Variants in MAPT observed in about 807,000 individuals in gnomAD.
MAPT encodes the protein microtubule-associated protein tau.
MAPT carries 34 observed loss-of-function variants against 67.9 expected under a neutral mutation model. That is an observed-to-expected ratio of 0.50 (90% CI 0.38 to 0.67). The LOEUF (loss-of-function observed/expected upper bound fraction) is 0.67. MAPT is among the 30% of genes least tolerant of loss of function. The pLI is 0.00. For missense variants in MAPT, 881 were observed against 1,115.2 expected (o/e 0.79, Z 2.99); for synonymous variants, 456 against 464.5 (o/e 0.98, Z 0.23).
At chr17:45,933,414 A>G (rs1263312196) in intron 1 of MAPT, among the ~76,000 whole-genome samples, 1 of 151,926 alleles carries the variant, frequency 6.6e-6, no homozygotes, top group Admixed American at 6.6e-5. Flanking sequence ...AAGTTTTTGT[A>G]TTTTTAGTAG....
chr17:46,016,767 CA>C (rs67084886), intron 11 of MAPT, among the ~76,000 whole-genome samples: 21,729 of 151,580 alleles, frequency 0.14, 2,119 homozygotes, highest in Non-Finnish European at 0.22. Flanking sequence ...TGAGACTCAG[CA>C]AAAAAAGAAA....
At chr17:46,012,382 C>T (rs1205771016) in intron 10 of MAPT, among the ~76,000 whole-genome samples, 1 of 152,124 alleles carries the variant, frequency 6.6e-6, no homozygotes, top group Non-Finnish European at 1.5e-5. Context: ...AGCCTGTGTC[C>T]CGCGCTCTGC....
chr17:46,020,514 G>A (rs1352995855), intron 12 of MAPT, among the ~76,000 whole-genome samples: 1 of 152,184 alleles, frequency 6.6e-6, no homozygotes, highest in Non-Finnish European at 1.5e-5. Context: ...AAAAGGGATT[G>A]TATTAGTCCG....
chr17:46,001,974 C>T (rs1268848300), intron 9 of MAPT, among the ~76,000 whole-genome samples: 3 of 152,162 alleles, frequency 2.0e-5, no homozygotes, highest in South Asian at 2.1e-4. Flanking sequence ...AGCCCCCACC[C>T]GGAGTGCTGG....
Position 45,961,858 on chromosome 17 carries a change from C to A in MAPT, c.-17-463C>A, listed in dbSNP as rs2070456636. 2.0e-5 allele frequency among the ~76,000 whole-genome samples: 3 copies of A among 152,130 alleles called. No homozygotes were observed. In the South Asian group the frequency reaches 6.2e-4, roughly 32 times the overall value. ...TGGTGTAATCTCAGCTCACTGCAACCTCCACCTGCCAGGTTCAATTGATTC... is the reference window on the plus strand; with the variant it reads ...TGGTGTAATCTCAGCTCACTGCAACATCCACCTGCCAGGTTCAATTGATTC... On this transcript the variant is annotated intron_variant, in intron 1 of 12. Coordinates refer to ENST00000262410, the MANE Select transcript of MAPT (RefSeq NM_001377265.1).
intron 1 of MAPT, chr17:45,894,943 G>A (rs2143546187): frequency 6.5e-6 from 1 of 152,878 alleles, no homozygotes; most frequent in Middle Eastern, 3.3e-3. Flanking sequence ...CCAGATTCGC[G>A]CAGACCCCAG....
chr17:45,946,615 A>AAAAAAAAAAATATATATAT, intron 1 of MAPT, among the ~76,000 whole-genome samples: 5 of 100,404 alleles, frequency 5.0e-5, no homozygotes, highest in Non-Finnish European at 9.8e-5. Context: ...AAAAAAAAAA[A>AAAAAAAAAAATATATATAT]ATATATATAT....
chr17:45,953,262 G>A (rs1274777657), intron 1 of MAPT, among the ~76,000 whole-genome samples: 1 of 152,184 alleles, frequency 6.6e-6, no homozygotes, highest in Non-Finnish European at 1.5e-5. Context: ...TGCTCTCCAG[G>A]GACATCTTTC....
rs1371812784 is a variant in MAPT, at chr17:45,983,357, C to A, written c.778C>A (p.Pro260Thr). ...PEDTEGGRHA[P>T]ELLKHQLLGD... is the part of the protein sequence containing the mutation. ...GGACACAGAGGGCGGCCGCCACGCC[C>A]CTGAGCTGCTCAAGCACCAGCTTCT... Residue 260 changes from proline (P) to threonine (T), a missense_variant, in exon 5 of 13, where the codon CCT becomes ACT. By Grantham distance (38) the Pro-to-Thr change is conservative. Transcript: ENST00000262410. 3 of 1,608,098 alleles carry A rather than the reference C, an allele frequency of 1.9e-6. No homozygotes were observed. Among genetic ancestry groups the A allele is most frequent in the Non-Finnish European group, 2.5e-6 (3 of 1,177,784 alleles).
intron 4 of MAPT, chr17:45,978,977 T>C (rs1245460511): frequency 6.6e-6 from 1 of 151,886 alleles, no homozygotes; most frequent in Non-Finnish European, 1.5e-5. Context: ...CACTCCAGCC[T>C]GGGCAACAAA....
At chr17:45,929,982 G>A (rs1472391640) in intron 1 of MAPT, among the ~76,000 whole-genome samples, 1 of 152,156 alleles carries the variant, frequency 6.6e-6, no homozygotes, top group African/African-American at 2.4e-5. Flanking sequence ...CCTGGGTAAG[G>A]TTTTGCCTAC....
chr17:45,961,100 C>T (rs1209425216), intron 1 of MAPT, among the ~76,000 whole-genome samples: 1 of 151,834 alleles, frequency 6.6e-6, no homozygotes, highest in African/African-American at 2.4e-5. Flanking sequence ...TTGGCTGGCT[C>T]ACCTGGGCTG....
In MAPT at chr17:45,982,948, A is replaced by AC. The variant is rs1235238076; in HGVS notation, c.372dup (p.Cys125LeufsTer78). 31 of 1,424,034 alleles carry AC rather than the reference A, an allele frequency of 2.2e-5. No homozygotes were observed. The highest frequency in any genetic ancestry group is 2.9e-5 in the African/African-American group (2 of 69,418). The allele number at this position is 1,424,034 out of a possible 1,614,324, so 88.2% of individuals were successfully genotyped here. ...AGATTAGCGCCCACGTCCAGCCTGG[A>AC]CCCTGCGGAGAGGCCTCTGGGGTCT... On this transcript the variant is annotated frameshift_variant, in exon 5 of 13. Coordinates refer to ENST00000262410, the MANE Select transcript of MAPT (RefSeq NM_001377265.1). LOFTEE classifies it high-confidence loss of function.
intron 12 of MAPT, among the ~76,000 whole-genome samples, chr17:46,018,977 G>A (rs1019748778): frequency 4.6e-5 from 7 of 152,156 alleles, no homozygotes; most frequent in African/African-American, 1.4e-4. Context: ...GGGGCAGCTC[G>A]GTTGCTGGAG....
At chr17:45,975,151 G>A (rs1598231297) in intron 3 of MAPT, 1 of 152,478 alleles carries the variant, frequency 6.6e-6, no homozygotes, top group Non-Finnish European at 1.5e-5. Flanking sequence ...GGAGCTCCTG[G>A]AGTCATTTCC....
chr17:45,910,678 A>C (rs2064715744), intron 1 of MAPT: 1 of 151,998 alleles, frequency 6.6e-6, no homozygotes, highest in South Asian at 2.1e-4. Flanking sequence ...AAAAAAAAAA[A>C]AAAAAAAACT....
chr17:45,987,850 G>A (rs2073715169), intron 6 of MAPT, among the ~76,000 whole-genome samples: 3 of 152,232 alleles, frequency 2.0e-5, no homozygotes, highest in South Asian at 2.1e-4. Context: ...CTGGGTCTCT[G>A]AAGTGATAGT....
intron 1 of MAPT, among the ~76,000 whole-genome samples, chr17:45,904,848 T>C (rs188153427): frequency 1.9e-4 from 29 of 152,270 alleles, no homozygotes; most frequent in African/African-American, 6.5e-4. Context: ...ATCAGCAATA[T>C]GTTAATAAGC....
intron 1 of MAPT, among the ~76,000 whole-genome samples, chr17:45,911,356 G>A (rs1029813580): frequency 6.6e-6 from 1 of 152,252 alleles, no homozygotes; most frequent in African/African-American, 2.4e-5. Context: ...GGCCACACTG[G>A]TGAGTGGCTG....
Sources: gnomAD v4.1 joint callset for allele counts (sites outside exome capture counted in the v4.1 genomes callset) on GRCh38, gnomAD v4.1.1 for gene constraint, MANE v1.5 for transcripts, NCBI Gene and HGNC (gene_info 2026-07-23, HGNC 2026-07-21) for gene names.